SLC60A1: variants seen among roughly 807,000 people sequenced by gnomAD.
SLC60A1 encodes major facilitator superfamily domain containing 4.
At chr1:205,595,312 G>A in the SLC60A1 span, among the ~76,000 whole-genome samples, 4 of 152,228 alleles carry the variant, frequency 2.6e-5, no homozygotes, top group Non-Finnish European at 4.4e-5. Flanking sequence ...ACTTTGGCAC[G>A]TGGTGAACCC....
At chr1:205,584,966 T>G in the SLC60A1 span, 1 of 1,613,934 alleles carries the variant, frequency 6.2e-7, no homozygotes, top group Admixed American at 1.7e-5. Context: ...GGCGCCCTGG[T>G]ACTGTTCATG....
At chr1:205,592,191 G>A in the SLC60A1 span, 1 of 1,614,076 alleles carries the variant, frequency 6.2e-7, no homozygotes, top group Admixed American at 1.7e-5. Context: ...CTACAACGTC[G>A]TCTTCCTGTT....
At chr1:205,597,059 G>A in the SLC60A1 span, among the ~76,000 whole-genome samples, 57 of 152,302 alleles carry the variant, frequency 3.7e-4, 1 homozygote, top group Middle Eastern at 3.4e-3. Flanking sequence ...GCGTGTGGCT[G>A]GTCAGTGCAA....
chr1:205,584,521 G>A, the SLC60A1 span, among the ~76,000 whole-genome samples: 1 of 147,824 alleles, frequency 6.8e-6, no homozygotes, highest in Non-Finnish European at 1.5e-5. Context: ...ACCATGCCTG[G>A]CCACAGGTGA....
chr1:205,571,538 G>A, the SLC60A1 span, among the ~76,000 whole-genome samples: 1 of 152,130 alleles, frequency 6.6e-6, no homozygotes, highest in Non-Finnish European at 1.5e-5. Flanking sequence ...CTGAACCTCA[G>A]TCCTCCCACC....
the SLC60A1 span, chr1:205,585,055 A>G: frequency 7.3e-7 from 1 of 1,369,716 alleles, no homozygotes; most frequent in African/African-American, 1.4e-5. This position sits in a 1 kb window ranked among gnomAD's most constrained non-coding sequence, Gnocchi z 4.2. Context: ...CCAGTCTGGG[A>G]AAGGCAAGAG....
At chr1:205,579,391 T>A in the SLC60A1 span, 1 of 468,018 alleles carries the variant, frequency 2.1e-6, no homozygotes, top group Non-Finnish European at 3.8e-6. Flanking sequence ...CTATGACACA[T>A]GCCTCTTGAG....
the SLC60A1 span, chr1:205,569,419 G>GC: frequency 4.9e-6 from 3 of 609,524 alleles, no homozygotes; most frequent in Non-Finnish European, 6.7e-6. Context: ...GCTGCCCGTC[G>GC]CCCCCGCCTC....
the SLC60A1 span, chr1:205,579,827 C>T: frequency 1.3e-5 from 21 of 1,614,052 alleles, no homozygotes; most frequent in Middle Eastern, 1.6e-4. Context: ...CCCCTTCTGC[C>T]GCGACGTGAA....
chr1:205,581,503 T>A, the SLC60A1 span, among the ~76,000 whole-genome samples: 1 of 152,190 alleles, frequency 6.6e-6, no homozygotes, highest in East Asian at 1.9e-4. The surrounding 1 kb of genome is among the most constrained non-coding windows in gnomAD (Gnocchi z 4.2). Flanking sequence ...GCTGGAAACC[T>A]CCTCTGGTGC....
the SLC60A1 span, chr1:205,601,533 A>G: frequency 3.3e-5 from 5 of 152,226 alleles, no homozygotes; most frequent in Non-Finnish European, 7.3e-5. Context: ...AGGTATAGAA[A>G]CAGCACTAAG....
chr1:205,585,911 G>T, the SLC60A1 span: 3 of 1,090,664 alleles, frequency 2.8e-6, no homozygotes, highest in South Asian at 3.6e-5. The surrounding 1 kb of genome is among the most constrained non-coding windows in gnomAD (Gnocchi z 4.2). Flanking sequence ...CTGAGCCTCT[G>T]GGAGTGGGAA....
At chr1:205,593,374 G>A in the SLC60A1 span, among the ~76,000 whole-genome samples, 2 of 114,194 alleles carry the variant, frequency 1.8e-5, no homozygotes, top group African/African-American at 7.0e-5. Flanking sequence ...GGGAGGCTGA[G>A]GCAGGAGAAT....
At chr1:205,573,456 C>T in the SLC60A1 span, among the ~76,000 whole-genome samples, 174 of 151,664 alleles carry the variant, frequency 1.1e-3, 1 homozygote, top group Admixed American at 8.6e-3. Context: ...ATCCATGCAA[C>T]GGAATATCAC....
At chr1:205,572,109 G>A in the SLC60A1 span, among the ~76,000 whole-genome samples, 16 of 152,166 alleles carry the variant, frequency 1.1e-4, no homozygotes, top group Non-Finnish European at 2.1e-4. Flanking sequence ...GTGGGTGCAG[G>A]GGAAGACTTG....
chr1:205,592,273 C>A, the SLC60A1 span: 9 of 1,613,824 alleles, frequency 5.6e-6, no homozygotes, highest in Non-Finnish European at 7.6e-6. Context: ...ACGGAGGACT[C>A]GCTGCAGTAC....
chr1:205,587,679 G>A, the SLC60A1 span, among the ~76,000 whole-genome samples: 7 of 152,146 alleles, frequency 4.6e-5, no homozygotes, highest in Non-Finnish European at 8.8e-5. Flanking sequence ...GAGAGTAACC[G>A]AGTGAGGAAG....
chr1:205,569,420 C>A, the SLC60A1 span: 37 of 593,430 alleles, frequency 6.2e-5, no homozygotes, highest in Admixed American at 1.5e-4. Flanking sequence ...CTGCCCGTCG[C>A]CCCCGCCTCC....
At chr1:205,582,020 C>T in the SLC60A1 span, among the ~76,000 whole-genome samples, 1 of 152,228 alleles carries the variant, frequency 6.6e-6, no homozygotes, top group East Asian at 1.9e-4. Context: ...AGTCCTTTTC[C>T]TTCCTTTCCT....
Sources: gnomAD v4.1 joint callset for allele counts (sites outside exome capture counted in the v4.1 genomes callset) on GRCh38, gnomAD v4.1.1 for gene constraint, Gnocchi (gnomAD v3.1) non-coding constraint, MANE v1.5 for transcripts, NCBI Gene and HGNC (gene_info 2026-07-23, HGNC 2026-07-21) for gene names.